Variants in RAP1GAP observed in about 807,000 individuals in gnomAD.
RAP1GAP encodes RAP1 GTPase activating protein, also known as rap1 GTPase-activating protein 1.
A neutral mutation model predicts 87.2 loss-of-function variants in RAP1GAP; 35 were observed. The ratio of observed to expected loss-of-function variants is 0.40; its 90% CI spans 0.31 to 0.53. RAP1GAP has a LOEUF of 0.53. Ranked by LOEUF, RAP1GAP falls within the 20% of genes least tolerant of loss-of-function variation. The probability of loss-of-function intolerance (pLI) is 0.48; values close to 1 mark genes in which losing one functional copy is unlikely to be tolerated. For missense variants in RAP1GAP, 734 were observed against 898.9 expected, an observed-to-expected ratio of 0.82 and a Z score of 2.35; for synonymous variants, 375 against 363.9, an observed-to-expected ratio of 1.03 and a Z score of -0.35.
rs962911629 is a variant in RAP1GAP at position 21,634,340 on chromosome 1, T to C, written c.-112-7943A>G. 5.3e-5 allele frequency among the ~76,000 whole-genome samples: 8 copies of C among 151,950 alleles called. No individual in the cohort carries two copies. The highest frequency in any genetic ancestry group is 8.8e-5 in the Non-Finnish European group (6 of 67,982). ...CTCTAGAGGGAGCGTGGCGATGGGG[T>C]AGAGGAGCGGCAGGGGGACTATTTG... On this transcript the variant is annotated intron_variant, in intron 2 of 24. Transcript: ENST00000374765. This position sits in a 1 kb window ranked among gnomAD's most constrained non-coding sequence, Gnocchi z 4.1.
At chr1:21,646,009 C>G (rs180848368) in intron 2 of RAP1GAP, among the ~76,000 whole-genome samples, 2 of 152,324 alleles carry the variant, frequency 1.3e-5, no homozygotes, top group Middle Eastern at 6.8e-3. Context: ...CCCTCACTGA[C>G]TGCATGCCCC....
At chr1:21,654,837 GAAAAGAA>G (rs1238303331) in intron 1 of RAP1GAP, among the ~76,000 whole-genome samples, 2 of 143,264 alleles carry the variant, frequency 1.4e-5, no homozygotes, top group Non-Finnish European at 3.0e-5. Context: ...GTCTTAAAAA[GAAAAGAA>G]AAAAGAAAAA....
rs3835551 is a variant in RAP1GAP, at chr1:21,614,870, G to GC, written c.292-782dup. On this transcript the variant is annotated intron_variant, in intron 7 of 24. Coordinates refer to ENST00000374765, the MANE Select transcript of RAP1GAP (RefSeq NM_002885.4). ...CCAAGTTCTGGGAGTGGAGCTGGCT[G>GC]CCCGGCCACACCCGCCCCAGGAATC... is the stretch of plus-strand genomic sequence containing the variant. Among the ~76,000 whole-genome samples the GC allele has an allele frequency of 2.8e-3, 427 of 152,316 alleles. 5 individuals carry two copies. Among genetic ancestry groups the GC allele is most frequent in the East Asian group, 0.026 (134 of 5,180 alleles).
chr1:21,614,027 G>A lies in RAP1GAP; in HGVS notation c.354C>T (p.Tyr118=), dbSNP rs1378771213. 3.1e-6 allele frequency: 5 copies of A among 1,612,728 alleles called. No homozygotes were observed. The highest frequency in any genetic ancestry group is 2.5e-6 in the Non-Finnish European group (3 of 1,179,324). ...ALGHLVFSLK[Y]DVIGDQEHLR... Reference sequence around the variant, plus strand: ...GGTGCTCTTGGTCCCCGATGACATCGTACTTGAGTGAGAAGACAAGGTGGC... The same window carrying A: ...GGTGCTCTTGGTCCCCGATGACATCATACTTGAGTGAGAAGACAAGGTGGC... Residue 118 remains tyrosine (Y), a synonymous_variant, in exon 8 of 25, where the codon TAC becomes TAT. Transcript: ENST00000374765.
intron 2 of RAP1GAP, among the ~76,000 whole-genome samples, chr1:21,640,090 C>A (rs2095379430): frequency 6.9e-6 from 1 of 143,950 alleles, no homozygotes; most frequent in East Asian, 2.1e-4. Flanking sequence ...CTGGCCTCAT[C>A]CAGGGCTTCT....
chr1:21,667,293 G>A (rs1206291548), intron 1 of RAP1GAP, among the ~76,000 whole-genome samples: 1 of 152,210 alleles, frequency 6.6e-6, no homozygotes, highest in African/African-American at 2.4e-5. Flanking sequence ...AGGCCTAAGT[G>A]GCAGAGACCT....
chr1:21,645,365 A>G (rs1244149553), intron 2 of RAP1GAP, among the ~76,000 whole-genome samples: 1 of 152,098 alleles, frequency 6.6e-6, no homozygotes, highest in African/African-American at 2.4e-5. Flanking sequence ...TTGTAATCCT[A>G]GCACTTTGGG....
intron 5 of RAP1GAP, 143 bp downstream of exon 5, chr1:21,618,882 T>C: frequency 3.2e-6 from 3 of 948,006 alleles, no homozygotes; most frequent in East Asian, 2.7e-5. Flanking sequence ...AAGCTGTGCC[T>C]CCCCCCCTAC....
At chr1:21,604,570 G>A (rs1222658318) in intron 18 of RAP1GAP, among the ~76,000 whole-genome samples, 1 of 152,116 alleles carries the variant, frequency 6.6e-6, no homozygotes, top group African/African-American at 2.4e-5. Context: ...GGCCCCTCTC[G>A]GCCACCCACA....
At chr1:21,645,679 T>C (rs1369362448) in intron 2 of RAP1GAP, among the ~76,000 whole-genome samples, 1 of 152,114 alleles carries the variant, frequency 6.6e-6, no homozygotes, top group East Asian at 1.9e-4. Flanking sequence ...GTGGCGGCCA[T>C]GGGCTCAGGA....
Position 21,626,299 on chromosome 1 carries a change from C to G in RAP1GAP, c.-19+5G>C. 1.3e-6 allele frequency: 2 copies of G among 1,596,810 alleles called. No homozygotes were observed. Among genetic ancestry groups the G allele is most frequent in the Non-Finnish European group, 1.7e-6 (2 of 1,164,396 alleles). On this transcript the variant is annotated splice_donor_5th_base_variant and intron_variant, in intron 3 of 24. Coordinates refer to ENST00000374765, the MANE Select transcript of RAP1GAP (RefSeq NM_002885.4). ...GGGGCCGTAGGTATGGAGGGGGACA[C>G]TTACCTTAGGGTAGAGTGAAGGAGT... is the stretch of plus-strand genomic sequence containing the variant.
In RAP1GAP at chr1:21,596,951, TC is replaced by T. The variant is rs1347026795; in HGVS notation, c.*347del. 6.6e-6 allele frequency: 1 copy of T among 152,264 alleles called. No homozygotes were observed. Among genetic ancestry groups the T allele is most frequent in the Non-Finnish European group, 1.5e-5 (1 of 68,122 alleles). 9.4% of individuals were successfully genotyped at this position (152,264 alleles called of 1,614,324 possible). A position where few individuals can be genotyped will look rare whatever the true frequency, so the allele number is the denominator to read the frequency against. On this transcript the variant is annotated 3_prime_UTR_variant, in exon 25 of 25. Coordinates refer to ENST00000374765, the MANE Select transcript of RAP1GAP (RefSeq NM_002885.4). ...TCTCAAACTCTCTCTCCCACCTTGT[TC>T]CCTCTGAGTCCAGAGGGATGCTCAG...
chr1:21,601,368 C>T (rs920103497), intron 20 of RAP1GAP, among the ~76,000 whole-genome samples: 1 of 152,186 alleles, frequency 6.6e-6, no homozygotes, highest in African/African-American at 2.4e-5. Flanking sequence ...TTCATCCCCC[C>T]AACCCTGCTT....
intron 2 of RAP1GAP, among the ~76,000 whole-genome samples, chr1:21,646,235 A>G (rs1178960085): frequency 6.6e-6 from 1 of 152,246 alleles, no homozygotes; most frequent in African/African-American, 2.4e-5. Context: ...CTCAGCACCC[A>G]GATGGGCCTT....
rs528089104 is a variant in RAP1GAP at position 21,642,862 on chromosome 1, C to T, written c.-113+6899G>A. Among the ~76,000 whole-genome samples, 7 of 146,954 alleles carry T rather than the reference C, an allele frequency of 4.8e-5. No individual in the cohort carries two copies. The East Asian group carries it at 1.2e-3, about 25-fold the overall frequency. ...CCTGGAACATTCTCGCACAGTGCAC[C>T]TCCCTTCCCCACTACACACACACAC... On this transcript the variant is annotated intron_variant, in intron 2 of 24. Coordinates refer to ENST00000374765, the MANE Select transcript of RAP1GAP (RefSeq NM_002885.4).
intron 1 of RAP1GAP, among the ~76,000 whole-genome samples, chr1:21,655,531 G>C (rs2096826250): frequency 6.6e-6 from 1 of 152,274 alleles, no homozygotes; most frequent in Non-Finnish European, 1.5e-5. Flanking sequence ...CTGCTCCGCA[G>C]TCAGCACGGG....
chr1:21,607,546 T>C (rs995751544), intron 17 of RAP1GAP, among the ~76,000 whole-genome samples: 11 of 112,844 alleles, frequency 9.7e-5, no homozygotes, highest in African/African-American at 3.5e-4. Flanking sequence ...ACACCTCTTC[T>C]GAGAACTCTA....
At position 21,603,985 on chromosome 1, in the gene RAP1GAP, G is replaced by C. The variant is rs1158573275; in HGVS notation, c.1429-1072C>G. 8.3e-7 allele frequency: 1 copy of C among 1,199,126 alleles called. No individual in the cohort carries two copies. Among genetic ancestry groups the C allele is most frequent in the Non-Finnish European group, 1.2e-6 (1 of 860,630 alleles). 74.3% of individuals were successfully genotyped at this position (1,199,126 alleles called of 1,614,324 possible). On this transcript the variant is annotated intron_variant, in intron 18 of 24. Transcript: ENST00000374765. This position sits in a 1 kb window ranked among gnomAD's most constrained non-coding sequence, Gnocchi z 6.0. ...AGTCAGAGAGCAAGAGAGATGGTGG[G>C]AGGGAGACACAGAGAGGAGGAGAGG...
At chr1:21,600,816 T>C (rs1218209417) in intron 20 of RAP1GAP, among the ~76,000 whole-genome samples, 22 of 134,198 alleles carry the variant, frequency 1.6e-4, no homozygotes, top group African/African-American at 6.3e-4. Context: ...ACCCGGGAGG[T>C]GGAGCTTGCA....
Sources: gnomAD v4.1 joint callset for allele counts (sites outside exome capture counted in the v4.1 genomes callset) on GRCh38, gnomAD v4.1.1 for gene constraint, Gnocchi (gnomAD v3.1) non-coding constraint, MANE v1.5 for transcripts, NCBI Gene and HGNC (gene_info 2026-07-23, HGNC 2026-07-21) for gene names.